Variants in MXD4 observed in about 807,000 individuals in gnomAD.
MXD4 encodes the protein Mad4 homolog.
In MXD4, 16 loss-of-function variants were observed where a neutral mutation model predicts 24.5. The ratio of observed to expected loss-of-function variants is 0.65; its 90% confidence interval spans 0.44 to 0.99. The LOEUF is 0.99. MXD4 is among the 50% of genes least tolerant of loss of function. The pLI is 0.00. For missense variants in MXD4, 301 were observed against 301.5 expected, an observed-to-expected ratio of 1.00 and a Z score of 0.01; for synonymous variants, 164 against 134.2, an observed-to-expected ratio of 1.22 and a Z score of -1.54.
At chr4:2,261,609 G>C (rs1479140936) in intron 2 of MXD4, 116 bp downstream of exon 2, 5 of 434,508 alleles carry the variant, frequency 1.2e-5, no homozygotes, top group Non-Finnish European at 1.6e-5. Flanking sequence ...GGCCGCCGGG[G>C]CGCGCGGCGG....
intron 4 of MXD4, 93 bp downstream of exon 4, chr4:2,252,315 G>A: frequency 9.7e-7 from 1 of 1,031,836 alleles, no homozygotes; most frequent in Non-Finnish European, 1.5e-6. Context: ...CTGATCCAAG[G>A]GCTGCCCAGG....
intron 2 of MXD4, among the ~76,000 whole-genome samples, chr4:2,259,706 G>A (rs1187872691): frequency 6.6e-6 from 1 of 152,294 alleles, no homozygotes; most frequent in Non-Finnish European, 1.5e-5. Flanking sequence ...GACCCTTGGG[G>A]TCCATCGAGG....
At chr4:2,258,988 C>G (rs1293814026) in intron 2 of MXD4, 1 of 455,386 alleles carries the variant, frequency 2.2e-6, no homozygotes, top group African/African-American at 2.0e-5. Flanking sequence ...GCTCCCAGCT[C>G]CAGGCCACCT....
chr4:2,258,583 TGGAGCCC>T (rs1735476973), intron 2 of MXD4, among the ~76,000 whole-genome samples: 1 of 152,182 alleles, frequency 6.6e-6, no homozygotes, highest in Non-Finnish European at 1.5e-5. Flanking sequence ...CAGGTGGAGA[TGGAGCCC>T]AGAGACCAGG....
intron 2 of MXD4, among the ~76,000 whole-genome samples, chr4:2,259,597 T>C (rs889574762): frequency 2.0e-5 from 3 of 152,148 alleles, no homozygotes; most frequent in Admixed American, 2.0e-4. Context: ...CCTACCTGCC[T>C]ACCCCTTGAA....
At chr4:2,255,386 C>T (rs771730325) in intron 3 of MXD4, 10 of 456,174 alleles carry the variant, frequency 2.2e-5, no homozygotes, top group Admixed American at 1.6e-4. Context: ...CATCTGACCA[C>T]ACACACGCAC....
intron 3 of MXD4, among the ~76,000 whole-genome samples, chr4:2,256,447 C>A (rs1735433164): frequency 6.6e-6 from 1 of 152,216 alleles, no homozygotes; most frequent in Non-Finnish European, 1.5e-5. Context: ...CTGGGTGGCC[C>A]AGCCAGGGGC....
rs1310781666 is a variant in MXD4 at position 2,249,656 on chromosome 4, A to AC, written c.*887dup. 1 of 152,130 alleles carries AC rather than the reference A, an allele frequency of 6.6e-6. No homozygotes were observed. The highest frequency in any genetic ancestry group is 1.5e-5 in the Non-Finnish European group (1 of 68,036). The allele number at this position is 152,130 out of a possible 1,614,324, so 9.4% of individuals were successfully genotyped here. On this transcript the variant is annotated 3_prime_UTR_variant, in exon 6 of 6. Coordinates refer to ENST00000337190, the MANE Select transcript of MXD4 (RefSeq NM_006454.3). ...CTGCAACTTAACCAGCCTCCAGTTC[A>AC]CCCCAGCCCCAGCCAGGAAGAGAAG...
In MXD4 at chr4:2,261,972, C is replaced by T; in HGVS notation, c.9G>A (p.Leu3=). 4.3e-6 allele frequency: 6 copies of T among 1,381,106 alleles called. No homozygotes were observed. Among genetic ancestry groups the T allele is most frequent in the Non-Finnish European group, 5.7e-6 (6 of 1,058,196 alleles). The allele number at this position is 1,381,106 out of a possible 1,614,324, so 85.6% of individuals were successfully genotyped here. ...CCTCCAGCAGGATCAGCAGGGAGTTCAGCTCCATCCTCCCGCCCGCGCCCG... is the reference window on the plus strand; with the variant it reads ...CCTCCAGCAGGATCAGCAGGGAGTTTAGCTCCATCCTCCCGCCCGCGCCCG... ME[L]NSLLILLEAA... Residue 3 remains leucine (L), a synonymous_variant, in exon 1 of 6, where the codon CTG becomes CTA. Transcript: ENST00000337190.
In MXD4 at chr4:2,251,424, C is replaced by T. The variant is rs1005362124; in HGVS notation, c.310-178G>A. ...GCCAGCCCCACAGCCTGAGGTGGGT[C>T]CCTCCCTGCCCCAGCCAGGCGGTCA... is the stretch of plus-strand genomic sequence containing the variant. On this transcript the variant is annotated intron_variant, in intron 4 of 5. Coordinates refer to ENST00000337190, the MANE Select transcript of MXD4 (RefSeq NM_006454.3). 2.0e-5 allele frequency among the ~76,000 whole-genome samples: 3 copies of T among 152,238 alleles called. No individual in the cohort carries two copies. The East Asian group carries it at 5.8e-4, about 29-fold the overall frequency.
At chr4:2,261,275 C>T (rs1735536705) in intron 2 of MXD4, among the ~76,000 whole-genome samples, 1 of 152,118 alleles carries the variant, frequency 6.6e-6, no homozygotes. Context: ...CTGGCAGAGC[C>T]AGTCGAAAGG....
At chr4:2,260,065 G>A (rs2108791747) in intron 2 of MXD4, among the ~76,000 whole-genome samples, 1 of 152,358 alleles carries the variant, frequency 6.6e-6, no homozygotes, top group Non-Finnish European at 1.5e-5. Flanking sequence ...GCTGGCTGAG[G>A]AAACCTCCAG....
rs534326628 is a variant in MXD4 at position 2,247,756 on chromosome 4, C to T, written c.*2788G>A. 6.6e-6 allele frequency: 1 copy of T among 152,430 alleles called. No homozygotes were observed. The highest frequency in any genetic ancestry group is 1.5e-5 in the Non-Finnish European group (1 of 68,198). 9.4% of individuals were successfully genotyped at this position (152,430 alleles called of 1,614,324 possible). A position where few individuals can be genotyped will look rare whatever the true frequency, so the allele number is the denominator to read the frequency against. On this transcript the variant is annotated 3_prime_UTR_variant, in exon 6 of 6. Coordinates refer to ENST00000337190, the MANE Select transcript of MXD4 (RefSeq NM_006454.3). ...GGGCCGGGGCAGACAGAGCAGGGAC[C>T]CTAGGGCCACAGACCGGTACAGGGT...
At chr4:2,258,444 G>C (rs891629536) in intron 2 of MXD4, among the ~76,000 whole-genome samples, 1 of 152,074 alleles carries the variant, frequency 6.6e-6, no homozygotes, top group African/African-American at 2.4e-5. Flanking sequence ...CAGAGGGATG[G>C]GGGAGGCCCA....
chr4:2,260,812 C>T (rs1042239315), intron 2 of MXD4, among the ~76,000 whole-genome samples: 4 of 152,246 alleles, frequency 2.6e-5, no homozygotes, highest in Admixed American at 2.0e-4. Flanking sequence ...ACAAACGCAG[C>T]TCCCAGCCTG....
In MXD4 at chr4:2,250,350, C is replaced by G. The variant is rs1735291525; in HGVS notation, c.*194G>C. The G allele has an allele frequency of 1.3e-6, 1 of 749,966 alleles. No homozygotes were observed. The highest frequency in any genetic ancestry group is 3.1e-5 in the Admixed American group (1 of 32,384). The allele number at this position is 749,966 out of a possible 1,614,324, so 46.5% of individuals were successfully genotyped here. A position where few individuals can be genotyped will look rare whatever the true frequency, so the allele number is the denominator to read the frequency against. ...CCTGCCTCCTTGCAGGGGACTCTGC[C>G]CAGCTGGAAGGGGCAGGCAGCTCGG... On this transcript the variant is annotated 3_prime_UTR_variant, in exon 6 of 6. Transcript: ENST00000337190.
chr4:2,256,963 G>A (rs1159195233), intron 3 of MXD4, among the ~76,000 whole-genome samples: 1 of 152,168 alleles, frequency 6.6e-6, no homozygotes, highest in Non-Finnish European at 1.5e-5. Context: ...AACAATTCCA[G>A]GCCTGCCTGG....
intron 2 of MXD4, among the ~76,000 whole-genome samples, chr4:2,259,439 C>T (rs1002700290): frequency 6.6e-6 from 1 of 152,258 alleles, no homozygotes; most frequent in Non-Finnish European, 1.5e-5. Context: ...CAGAGATAGG[C>T]CCCTACGCCA....
rs759726955 is a variant in MXD4 at position 2,257,969 on chromosome 4, G to C, written c.194+13C>G. On this transcript the variant is annotated intron_variant, in intron 3 of 5. Transcript: ENST00000337190. ...GGTGTCGGGCTCATGTGGGGAACTG[G>C]GGGGTCACTTACCTGTGCTTTTCTA... The C allele has an allele frequency of 6.2e-7, 1 of 1,613,706 alleles. No individual in the cohort carries two copies.
Sources: gnomAD v4.1 joint callset for allele counts (sites outside exome capture counted in the v4.1 genomes callset) on GRCh38, gnomAD v4.1.1 for gene constraint, MANE v1.5 for transcripts, NCBI Gene and HGNC (gene_info 2026-07-23, HGNC 2026-07-21) for gene names.